The following KIF13A variants were observed in gnomAD, a reference collection of about 807,000 sequenced individuals.
The protein encoded by KIF13A is kinesin-like protein KIF13A.
A neutral mutation model predicts 212.2 loss-of-function variants in KIF13A; 79 were observed. That is an observed-to-expected ratio of 0.37 (90% CI 0.31 to 0.45). The LOEUF (loss-of-function observed/expected upper bound fraction) is 0.45, where lower values mean the gene tolerates loss of function less well. Ranked by LOEUF, KIF13A falls within the 20% of genes least tolerant of loss-of-function variation. The pLI is 1.00. For synonymous variants in KIF13A, 789 were observed against 808.6 expected (o/e 0.98, Z 0.41); for missense variants, 1,901 against 2,209.0 (o/e 0.86, Z 2.79).
chr6:17,810,221 C>A (rs958695215), intron 17 of KIF13A, among the ~76,000 whole-genome samples: 1 of 152,168 alleles, frequency 6.6e-6, no homozygotes, highest in African/African-American at 2.4e-5. Context: ...TTTATCATAT[C>A]CCTGGCTCAG....
intron 2 of KIF13A, among the ~76,000 whole-genome samples, chr6:17,976,606 G>A (rs1357523546): frequency 2.6e-5 from 4 of 152,264 alleles, no homozygotes; most frequent in South Asian, 2.1e-4. Context: ...AGCCGGCTCT[G>A]GCCTCGGCTA....
chr6:17,909,867 G>A lies in KIF13A; in HGVS notation c.147-11687C>T, dbSNP rs529772671. Among the ~76,000 whole-genome samples the A allele has an allele frequency of 7.5e-4, 114 of 152,322 alleles. 1 individual carries two copies. In the Middle Eastern group the frequency reaches 0.01, roughly 14 times the overall value. On this transcript the variant is annotated intron_variant, in intron 2 of 38. Coordinates refer to ENST00000259711, the MANE Select transcript of KIF13A (RefSeq NM_022113.6). ...ACGACTGCACTCTAGCCTGGCGACA[G>A]AGTGAGACTCCGTCTCAAAACAAAA...
chr6:17,790,545 T>A (rs753331618), intron 25 of KIF13A, among the ~76,000 whole-genome samples: 2 of 152,198 alleles, frequency 1.3e-5, no homozygotes, highest in Non-Finnish European at 2.9e-5. Flanking sequence ...GAGATAGGCT[T>A]AGGAAGACAG....
intron 2 of KIF13A, among the ~76,000 whole-genome samples, chr6:17,975,172 T>A (rs985757154): frequency 6.6e-6 from 1 of 152,036 alleles, no homozygotes; most frequent in African/African-American, 2.4e-5. Flanking sequence ...AGTGAAACCC[T>A]ATCTCTACTA....
chr6:17,984,542 T>C lies in KIF13A; in HGVS notation c.146+2512A>G, dbSNP rs1401470028. ...TAGTCCTAGCTACACAGTCTTGGCT[T>C]TGGTTTTGTAAAATGGGGAAACAAT... On this transcript the variant is annotated intron_variant, in intron 2 of 38. Transcript: ENST00000259711. The surrounding 1 kb of genome is among the most constrained non-coding windows in gnomAD (Gnocchi z 5.0). 5.1e-6 allele frequency: 5 copies of C among 985,194 alleles called. No homozygotes were observed. Among genetic ancestry groups the C allele is most frequent in the African/African-American group, 3.5e-5 (2 of 57,226 alleles). The allele number at this position is 985,194 out of a possible 1,614,324, so 61.0% of individuals were successfully genotyped here. A position where few individuals can be genotyped will look rare whatever the true frequency, so the allele number is the denominator to read the frequency against.
intron 3 of KIF13A, among the ~76,000 whole-genome samples, chr6:17,889,362 G>A (rs921157570): frequency 6.6e-6 from 1 of 152,148 alleles, no homozygotes; most frequent in Non-Finnish European, 1.5e-5. Context: ...ACACCTTGAA[G>A]TTCAGTAACC....
In KIF13A at chr6:17,839,126, CTTAA is replaced by C. The variant is rs1417943554; in HGVS notation, c.831-1547_831-1544del. Among the ~76,000 whole-genome samples, 5 of 152,102 alleles carry C rather than the reference CTTAA, an allele frequency of 3.3e-5. No homozygotes were observed. Among genetic ancestry groups the C allele is most frequent in the African/African-American group, 9.7e-5 (4 of 41,422 alleles). On this transcript the variant is annotated intron_variant, in intron 9 of 38. Coordinates refer to ENST00000259711, the MANE Select transcript of KIF13A (RefSeq NM_022113.6). This position sits in a 1 kb window ranked among gnomAD's most constrained non-coding sequence, Gnocchi z 4.3. ...TGAGCCACTGCGCCCAGCCAAGAAG[CTTAA>C]TTAATACTTAATGAGTACAATGTAT...
chr6:17,814,605 C>A (rs1433080724), intron 17 of KIF13A, among the ~76,000 whole-genome samples: 1 of 151,978 alleles, frequency 6.6e-6, no homozygotes, highest in Non-Finnish European at 1.5e-5. Context: ...TAGGAGACTG[C>A]AGAGAAAACT....
chr6:17,904,012 T>C (rs558043940), intron 2 of KIF13A, among the ~76,000 whole-genome samples: 1 of 150,720 alleles, frequency 6.6e-6, no homozygotes, highest in South Asian at 2.1e-4. Context: ...AAAAAAGTAG[T>C]TGGGTGTGGT....
rs1364993738 is a variant in KIF13A, at chr6:17,780,559, CTCTGCTA to C, written c.3846+164_3846+170del. Among the ~76,000 whole-genome samples the C allele has an allele frequency of 2.9e-4, 44 of 152,192 alleles. 1 individual carries two copies. Among genetic ancestry groups the C allele is most frequent in the Admixed American group, 1.8e-3 (27 of 15,268 alleles). On this transcript the variant is annotated intron_variant, in intron 31 of 38. Transcript: ENST00000259711. ...ACTGCCCTTACTGGATGACATTGAC[CTCTGCTA>C]TCCTAATGCCCACTACCTTGGATAA...
rs1771530029 is a variant in KIF13A at position 17,886,299 on chromosome 6, C to CTGG, written c.159+11868_159+11869insCCA. On this transcript the variant is annotated intron_variant, in intron 3 of 38. Transcript: ENST00000259711. The surrounding 1 kb of genome is among the most constrained non-coding windows in gnomAD (Gnocchi z 5.6). ...ACTGCACCATGCCAGGTACATAGAGCCACAGAGAGGAGAATGCTAGGCTGA... is the reference window on the plus strand; with the variant it reads ...ACTGCACCATGCCAGGTACATAGAGCTGGCACAGAGAGGAGAATGCTAGGCTGA... Among the ~76,000 whole-genome samples the CTGG allele has an allele frequency of 6.6e-6, 1 of 152,146 alleles. No homozygotes were observed. The highest frequency in any genetic ancestry group is 1.5e-5 in the Non-Finnish European group (1 of 68,032).
chr6:17,820,343 C>T (rs760929304), intron 16 of KIF13A, among the ~76,000 whole-genome samples: 8 of 152,168 alleles, frequency 5.3e-5, no homozygotes, highest in Non-Finnish European at 8.8e-5. Flanking sequence ...CACACAGCTA[C>T]GGTGGAGGTC....
chr6:17,954,103 T>C (rs1318506798), intron 2 of KIF13A, among the ~76,000 whole-genome samples: 2 of 151,922 alleles, frequency 1.3e-5, no homozygotes, highest in African/African-American at 4.8e-5. Context: ...ATGGAGACCA[T>C]CCTGGCTATC....
At chr6:17,978,156 T>G (rs1010594326) in intron 2 of KIF13A, among the ~76,000 whole-genome samples, 8 of 152,224 alleles carry the variant, frequency 5.3e-5, no homozygotes, top group African/African-American at 1.9e-4. Flanking sequence ...TCTAGGAGGA[T>G]TCTCCTCTCT....
intron 2 of KIF13A, among the ~76,000 whole-genome samples, chr6:17,983,364 G>A (rs1418028268): frequency 6.6e-6 from 1 of 152,024 alleles, no homozygotes; most frequent in Non-Finnish European, 1.5e-5. Flanking sequence ...CAGGGGTGAA[G>A]AGGAAGACAT....
chr6:17,802,601 T>C (rs992892936), intron 20 of KIF13A, among the ~76,000 whole-genome samples: 3 of 152,038 alleles, frequency 2.0e-5, no homozygotes, highest in Non-Finnish European at 4.4e-5. Context: ...AGCTTTTTTT[T>C]TTCTTTTTAA....
Position 17,764,758 on chromosome 6 carries a change from A to G in KIF13A, c.4770T>C (p.Pro1590=). Reference sequence around the variant, plus strand: ...AGCCACTGGTAATACTGCTGGTGGTAGGGCTACGGGACACTTCTTTCTCCA... The same window carrying G: ...AGCCACTGGTAATACTGCTGGTGGTGGGGCTACGGGACACTTCTTTCTCCA... The part of the protein sequence containing the change: ...RVLEKEVSRS[P]TTSSITSGYF... The change falls in exon 39 of 39, where the codon CCT becomes CCC. Residue 1590 remains proline (P), a synonymous_variant. Transcript: ENST00000259711. This position sits in a 1 kb window ranked among gnomAD's most constrained non-coding sequence, Gnocchi z 5.1. The G allele has an allele frequency of 6.2e-7, 1 of 1,613,140 alleles. No individual in the cohort carries two copies. Among genetic ancestry groups the G allele is most frequent in the Non-Finnish European group, 8.5e-7 (1 of 1,179,526 alleles).
chr6:17,862,883 T>G (rs111833406), intron 4 of KIF13A, among the ~76,000 whole-genome samples: 12,040 of 152,204 alleles, frequency 0.079, 565 homozygotes, highest in Non-Finnish European at 0.11. Context: ...GGGAGGTGGA[T>G]GTCGCAGTGA....
Position 17,820,499 on chromosome 6 carries a change from C to T in KIF13A, c.1787-3266G>A, listed in dbSNP as rs529385722. On this transcript the variant is annotated intron_variant, in intron 16 of 38. Transcript: ENST00000259711. ...CACACACAGCATATTTTCAAACAGA[C>T]CATCCAAATCAGCAAGTCGATCTGA... Among the ~76,000 whole-genome samples, 3 of 152,324 alleles carry T rather than the reference C, an allele frequency of 2.0e-5. No homozygotes were observed. The South Asian group carries it at 6.2e-4, about 32-fold the overall frequency.
Sources: allele counts gnomAD v4.1 joint callset (sites outside exome capture counted in the v4.1 genomes callset), GRCh38; gene constraint gnomAD v4.1.1; non-coding constraint Gnocchi (gnomAD v3.1); transcripts MANE v1.5; gene names NCBI Gene and HGNC (gene_info 2026-07-23, HGNC 2026-07-21).